PCSK5: variants seen among roughly 807,000 people sequenced by gnomAD.
The protein encoded by PCSK5 is proprotein convertase subtilisin/kexin type 5.
PCSK5 carries 129 observed loss-of-function variants against 233.2 expected under a neutral mutation model. The ratio of observed to expected loss-of-function variants is 0.55; its 90% CI spans 0.48 to 0.64. The LOEUF (loss-of-function observed/expected upper bound fraction) is 0.64, where lower values mean the gene tolerates loss of function less well. Ranked by LOEUF, PCSK5 falls within the 30% of genes least tolerant of loss-of-function variation. The pLI is 0.00. For synonymous variants in PCSK5, 825 were observed against 879.2 expected (o/e 0.94, Z 1.09); for missense variants, 2,076 against 2,430.1 (o/e 0.85, Z 3.06).
At chr9:76,195,898 G>C (rs1824676700) in intron 20 of PCSK5, 1 of 152,014 alleles carries the variant, frequency 6.6e-6, no homozygotes, top group South Asian at 2.1e-4. Context: ...TATTTGATCT[G>C]TTCATACCCA....
At chr9:76,078,555 C>A (rs899565859) in intron 7 of PCSK5, among the ~76,000 whole-genome samples, 2 of 152,006 alleles carry the variant, frequency 1.3e-5, no homozygotes, top group African/African-American at 4.8e-5. Flanking sequence ...ATTACTTATC[C>A]CAGCGCCATT....
At chr9:76,098,386 A>G (rs1564025033) in intron 8 of PCSK5, among the ~76,000 whole-genome samples, 2 of 152,226 alleles carry the variant, frequency 1.3e-5, no homozygotes, top group African/African-American at 2.4e-5. Flanking sequence ...TTAACTGGGA[A>G]GTGATGCCCC....
At chr9:76,248,519 G>T (rs1826691436) in intron 24 of PCSK5, among the ~76,000 whole-genome samples, 1 of 152,144 alleles carries the variant, frequency 6.6e-6, no homozygotes, top group South Asian at 2.1e-4. Flanking sequence ...TCATCATTTT[G>T]CATCCCCTAG....
At chr9:76,128,946 C>T (rs960883173) in intron 9 of PCSK5, among the ~76,000 whole-genome samples, 1 of 152,256 alleles carries the variant, frequency 6.6e-6, no homozygotes, top group Non-Finnish European at 1.5e-5. Context: ...CCCCCAGTGG[C>T]AGATACTCCT....
At chr9:76,298,705 CA>C (rs1284943039) in intron 27 of PCSK5, among the ~76,000 whole-genome samples, 1 of 152,120 alleles carries the variant, frequency 6.6e-6, no homozygotes, top group African/African-American at 2.4e-5. Flanking sequence ...AGAGAACAAG[CA>C]CTAATTAGCC....
intron 27 of PCSK5, among the ~76,000 whole-genome samples, chr9:76,300,512 T>C (rs2131422135): frequency 6.6e-6 from 1 of 152,304 alleles, no homozygotes; most frequent in Non-Finnish European, 1.5e-5. Context: ...GGTGGGAGTA[T>C]TTACACCACA....
intron 24 of PCSK5, among the ~76,000 whole-genome samples, chr9:76,260,965 C>T (rs1827154394): frequency 6.6e-6 from 1 of 152,090 alleles, no homozygotes; most frequent in Admixed American, 6.5e-5. Context: ...TAACCTCTTC[C>T]TGCCTTGATG....
chr9:76,135,092 A>T (rs1176858909), intron 10 of PCSK5, among the ~76,000 whole-genome samples: 1 of 152,062 alleles, frequency 6.6e-6, no homozygotes, highest in East Asian at 1.9e-4. Context: ...CACAGGGCAC[A>T]TCTCCTTAAA....
chr9:76,063,258 C>A (rs1172633446), intron 5 of PCSK5, among the ~76,000 whole-genome samples: 1 of 150,010 alleles, frequency 6.7e-6, no homozygotes, highest in Non-Finnish European at 1.5e-5. Context: ...CCTTAGCCTC[C>A]TGAGTATGTA....
intron 24 of PCSK5, among the ~76,000 whole-genome samples, chr9:76,267,794 A>G (rs1179574059): frequency 1.3e-5 from 2 of 152,166 alleles, no homozygotes; most frequent in East Asian, 3.9e-4. Context: ...CTCTTAATTT[A>G]CTGTGGCATC....
At chr9:76,175,926 T>C (rs1009855148) in intron 14 of PCSK5, among the ~76,000 whole-genome samples, 1 of 152,212 alleles carries the variant, frequency 6.6e-6, no homozygotes, top group Non-Finnish European at 1.5e-5. Flanking sequence ...TTGTGAACAC[T>C]CTGTATGTTA....
chr9:76,269,161 T>C (rs768086231), intron 24 of PCSK5, among the ~76,000 whole-genome samples: 4 of 152,240 alleles, frequency 2.6e-5, no homozygotes, highest in Non-Finnish European at 5.9e-5. Context: ...TTCAGACTTT[T>C]ATGAAAAATC....
chr9:76,254,697 A>G (rs990351164), intron 24 of PCSK5, among the ~76,000 whole-genome samples: 1 of 152,246 alleles, frequency 6.6e-6, no homozygotes, highest in Non-Finnish European at 1.5e-5. Context: ...TGCCTAAAAA[A>G]TGTATTCGCC....
intron 3 of PCSK5, among the ~76,000 whole-genome samples, chr9:75,989,012 C>T (rs886428372): frequency 6.6e-6 from 1 of 152,174 alleles, no homozygotes; most frequent in Non-Finnish European, 1.5e-5. Flanking sequence ...AATAAAGTAT[C>T]TTGAGGACAA....
intron 13 of PCSK5, among the ~76,000 whole-genome samples, chr9:76,173,496 C>T (rs12348928): frequency 0.092 from 5,630 of 60,878 alleles, 398 homozygotes; most frequent in East Asian, 0.33. Flanking sequence ...GGCACGTTTC[C>T]TTTTTTTTTT....
At position 75,921,943 on chromosome 9, in the gene PCSK5, T is replaced by C. The variant is rs191134053; in HGVS notation, c.193-10436T>C. On this transcript the variant is annotated intron_variant, in intron 1 of 37. Transcript: ENST00000674117. The stretch of plus-strand genomic sequence containing the variant: ...GATATGAAAATTTATTTGAGTACTC[T>C]TGGGAGAAATGTTCTAATTCAATAG... Among the ~76,000 whole-genome samples, 136 of 152,328 alleles carry C rather than the reference T, an allele frequency of 8.9e-4. 1 individual carries two copies. Among genetic ancestry groups the C allele is most frequent in the African/African-American group, 3.2e-3 (132 of 41,588 alleles).
At chr9:76,249,528 TA>T (rs143675651) in intron 24 of PCSK5, among the ~76,000 whole-genome samples, 2,586 of 152,292 alleles carry the variant, frequency 0.017, 62 homozygotes, top group African/African-American at 0.058. Flanking sequence ...AGAAAGGACT[TA>T]GAAGCTACAA....
intron 3 of PCSK5, among the ~76,000 whole-genome samples, chr9:76,009,537 G>A (rs146489552): frequency 0.046 from 6,923 of 151,130 alleles, 262 homozygotes; most frequent in East Asian, 0.17. Flanking sequence ...TGAGGCAGGA[G>A]AATCACTTGA....
intron 2 of PCSK5, among the ~76,000 whole-genome samples, chr9:75,934,468 C>G (rs1823958020): frequency 1.3e-5 from 2 of 152,040 alleles, no homozygotes; most frequent in African/African-American, 4.8e-5. Context: ...ACATTGGTGC[C>G]CTAAGGGAGC....
Sources: allele counts gnomAD v4.1 joint callset (sites outside exome capture counted in the v4.1 genomes callset), GRCh38; gene constraint gnomAD v4.1.1; transcripts MANE v1.5; gene names NCBI Gene and HGNC (gene_info 2026-07-23, HGNC 2026-07-21).